TMEM74: variants seen among roughly 807,000 people sequenced by gnomAD.
TMEM74 encodes the protein transmembrane protein 74.
A neutral mutation model predicts 18.1 loss-of-function variants in TMEM74; 13 were observed. The observed-to-expected ratio is 0.72, with a 90% CI of 0.47 to 1.14. The LOEUF is 1.14. TMEM74 is among the 50% of genes most tolerant of loss of function. The probability of loss-of-function intolerance (pLI) is 0.00; values close to 1 mark genes in which losing one functional copy is unlikely to be tolerated. For missense variants in TMEM74, 372 were observed against 375.9 expected, an observed-to-expected ratio of 0.99 and a Z score of 0.09; for synonymous variants, 159 against 146.6, an observed-to-expected ratio of 1.08 and a Z score of -0.61.
intron 1 of TMEM74, among the ~76,000 whole-genome samples, chr8:108,753,610 A>C (rs1193537492): frequency 6.6e-6 from 1 of 152,144 alleles, no homozygotes. Flanking sequence ...AATTGTACTT[A>C]CTAAAGATCC....
chr8:108,778,705 A>T (rs974604576), downstream of TMEM74, among the ~76,000 whole-genome samples: 1 of 152,198 alleles, frequency 6.6e-6, no homozygotes, highest in South Asian at 2.1e-4. Context: ...ACATTCTTCA[A>T]ATGAAAATGG....
At chr8:108,770,594 G>T (rs545249519) in intron 1 of TMEM74, among the ~76,000 whole-genome samples, 1 of 152,214 alleles carries the variant, frequency 6.6e-6, no homozygotes, top group African/African-American at 2.4e-5. Context: ...CTGACAATAT[G>T]CTGACAGGTT....
intron 1 of TMEM74, among the ~76,000 whole-genome samples, chr8:108,657,891 T>A (rs112192243): frequency 2.7e-5 from 3 of 111,032 alleles, no homozygotes; most frequent in Admixed American, 9.6e-5. Context: ...TATATATATA[T>A]ATATATATAT....
At chr8:108,643,447 A>G (rs1812685822) in intron 2 of TMEM74, among the ~76,000 whole-genome samples, 1 of 152,044 alleles carries the variant, frequency 6.6e-6, no homozygotes, top group African/African-American at 2.4e-5. Context: ...ATTTGTATAG[A>G]TATATTTATT....
chr8:108,728,878 G>T (rs1017548734), intron 1 of TMEM74, among the ~76,000 whole-genome samples: 16 of 152,154 alleles, frequency 1.1e-4, no homozygotes, highest in Admixed American at 1.0e-3. Context: ...AAAACAGGAG[G>T]CAAAATATGG....
At chr8:108,610,475 A>T (rs1812323741) in intron 2 of TMEM74, among the ~76,000 whole-genome samples, 1 of 152,252 alleles carries the variant, frequency 6.6e-6, no homozygotes, top group East Asian at 1.9e-4. Context: ...ATAATAAATA[A>T]AATAGCTTGT....
At chr8:108,687,725 A>G (rs1241241554) in intron 1 of TMEM74, among the ~76,000 whole-genome samples, 2 of 151,952 alleles carry the variant, frequency 1.3e-5, no homozygotes, top group Non-Finnish European at 2.9e-5. Context: ...GCTGTTCACA[A>G]TAGGGTTTCA....
At chr8:108,676,896 A>G (rs1813061137) in intron 1 of TMEM74, among the ~76,000 whole-genome samples, 1 of 152,230 alleles carries the variant, frequency 6.6e-6, no homozygotes, top group Non-Finnish European at 1.5e-5. Context: ...GAATAACTGA[A>G]TGAAAGAATC....
chr8:108,713,989 G>A (rs1388505060), intron 1 of TMEM74, among the ~76,000 whole-genome samples: 1 of 152,136 alleles, frequency 6.6e-6, no homozygotes, highest in Non-Finnish European at 1.5e-5. Flanking sequence ...GTGTATCCCA[G>A]CTGCAGCAGA....
Position 108,761,908 on chromosome 8 carries a change from C to T in TMEM74, n.119+25568G>A, listed in dbSNP as rs904657524. ...ATCAAGTCACAACACAAAACAGACCCGCCACAGGGCTTGGAGCCCTCCTGT... is the reference window on the plus strand; with the variant it reads ...ATCAAGTCACAACACAAAACAGACCTGCCACAGGGCTTGGAGCCCTCCTGT... On this transcript the variant is annotated intron_variant and non_coding_transcript_variant, in intron 1 of 3. Coordinates refer to the TMEM74 transcript ENST00000518838. Among the ~76,000 whole-genome samples, 15 of 152,302 alleles carry T rather than the reference C, an allele frequency of 9.8e-5. No homozygotes were observed. In the East Asian group the frequency reaches 2.7e-3, roughly 27 times the overall value.
At chr8:108,735,676 G>T (rs1019152383) in intron 1 of TMEM74, among the ~76,000 whole-genome samples, 3 of 152,170 alleles carry the variant, frequency 2.0e-5, no homozygotes, top group East Asian at 1.9e-4. Context: ...AAACATTCAC[G>T]TACAAGTTTG....
rs181841194 is a variant in TMEM74, at chr8:108,645,737, G to T, written n.264+9556C>A. Among the ~76,000 whole-genome samples the T allele has an allele frequency of 3.1e-3, 468 of 152,210 alleles. 4 individuals are homozygous for T. The highest frequency in any genetic ancestry group is 0.011 in the African/African-American group (443 of 41,546). ...CACAACAGAGGAATCAGACTTACAG[G>T]AGCCACACAAGTTGTGGAAATGGAC... On this transcript the variant is annotated intron_variant and non_coding_transcript_variant, in intron 2 of 3. Coordinates refer to the TMEM74 transcript ENST00000518838.
intron 1 of TMEM74, among the ~76,000 whole-genome samples, chr8:108,693,535 C>T (rs368942255): frequency 3.3e-5 from 5 of 152,178 alleles, no homozygotes; most frequent in African/African-American, 9.7e-5. Flanking sequence ...AGACTGGAAA[C>T]GTCAGCTAAT....
intron 1 of TMEM74, among the ~76,000 whole-genome samples, chr8:108,748,457 T>G (rs1263267002): frequency 6.6e-6 from 1 of 152,162 alleles, no homozygotes; most frequent in Non-Finnish European, 1.5e-5. Context: ...TGGTAGCTGC[T>G]GGATATTAGA....
chr8:108,658,194 G>A (rs957467417), intron 1 of TMEM74, among the ~76,000 whole-genome samples: 1 of 151,862 alleles, frequency 6.6e-6, no homozygotes, highest in Admixed American at 6.6e-5. Flanking sequence ...GTGGAAAGAG[G>A]ACAGGGATTT....
At chr8:108,693,791 G>A (rs1212760397) in intron 1 of TMEM74, among the ~76,000 whole-genome samples, 1 of 152,180 alleles carries the variant, frequency 6.6e-6, no homozygotes, top group East Asian at 1.9e-4. Flanking sequence ...CAGCAAAATA[G>A]CAGAGTAAAG....
chr8:108,730,243 C>T (rs1813679998), intron 1 of TMEM74, among the ~76,000 whole-genome samples: 1 of 152,184 alleles, frequency 6.6e-6, no homozygotes, highest in Non-Finnish European at 1.5e-5. Context: ...AGCTGGCAGG[C>T]TGGGCTGTGG....
At chr8:108,768,852 C>G (rs776834380) in intron 1 of TMEM74, among the ~76,000 whole-genome samples, 1 of 152,160 alleles carries the variant, frequency 6.6e-6, no homozygotes, top group Non-Finnish European at 1.5e-5. Context: ...AAGGGTAATT[C>G]CAAGGGGCAT....
Position 108,784,478 on chromosome 8 carries a change from G to T in TMEM74, c.621C>A (p.Asn207Lys), listed in dbSNP as rs1439704883. The change falls in exon 2 of 2, where the codon AAC (asparagine) becomes AAA (lysine). Residue 207 changes from asparagine (N) to lysine (K), a missense_variant. Physicochemically the swap from Asn to Lys is moderately conservative, Grantham distance 94 (BLOSUM62 0). Coordinates refer to ENST00000297459, the MANE Select transcript of TMEM74 (RefSeq NM_153015.3). ...GCTCCATCTCCCGGGCTGCCACAGT[G>T]TTGGGGTCCACAGTCACTTCCCGTG... is the stretch of plus-strand genomic sequence containing the variant. ...IVPREVTVDP[N>K]TVAAREMERL... The T allele has an allele frequency of 3.1e-6, 5 of 1,614,172 alleles. No homozygotes were observed. Among genetic ancestry groups the T allele is most frequent in the Non-Finnish European group, 4.2e-6 (5 of 1,180,036 alleles).
Sources: gnomAD v4.1 joint callset for allele counts (sites outside exome capture counted in the v4.1 genomes callset) on GRCh38, gnomAD v4.1.1 for gene constraint, MANE v1.5 for transcripts, NCBI Gene and HGNC (gene_info 2026-07-23, HGNC 2026-07-21) for gene names.